Variants in ZNF395 observed in about 807,000 individuals in gnomAD.
ZNF395 encodes HD gene regulatory region-binding protein 2.
ZNF395 carries 20 observed loss-of-function variants against 57.7 expected under a neutral mutation model. The observed-to-expected ratio is 0.35, with a 90% CI of 0.24 to 0.50. The LOEUF is 0.50. ZNF395 is among the 20% of genes least tolerant of loss of function. The pLI, the probability that ZNF395 is intolerant of heterozygous loss-of-function variation, is 0.97. For synonymous variants in ZNF395, 295 were observed against 275.9 expected (o/e 1.07, Z -0.69); for missense variants, 606 against 671.2 (o/e 0.90, Z 1.07).
chr8:28,362,176 C>T (rs1236858430), intron 1 of ZNF395, among the ~76,000 whole-genome samples: 1 of 152,104 alleles, frequency 6.6e-6, no homozygotes, highest in African/African-American at 2.4e-5. Flanking sequence ...GCACAAGTGA[C>T]TTGTTCAGAT....
intron 1 of ZNF395, among the ~76,000 whole-genome samples, chr8:28,372,604 C>T (rs1271976361): frequency 1.3e-5 from 2 of 152,162 alleles, no homozygotes; most frequent in East Asian, 1.9e-4. Flanking sequence ...CTGGGCAACA[C>T]AGGCAGACCC....
chr8:28,376,877 C>T (rs1345459847), intron 1 of ZNF395, among the ~76,000 whole-genome samples: 1 of 152,172 alleles, frequency 6.6e-6, no homozygotes, highest in Admixed American at 6.5e-5. Flanking sequence ...TCAGCGCACC[C>T]CAAAATTGCT....
Position 28,347,870 on chromosome 8 carries a change from G to C in ZNF395, c.*849C>G, listed in dbSNP as rs569853218. On this transcript the variant is annotated 3_prime_UTR_variant, in exon 10 of 10. Transcript: ENST00000344423. ...AACCGGAGGAAGGCGGCGTCAGGAG[G>C]GTGCTTCCTCGGGTCAGAGCAGAGA... 6.6e-6 allele frequency: 1 copy of C among 152,230 alleles called. No individual in the cohort carries two copies. The highest frequency in any genetic ancestry group is 1.5e-5 in the Non-Finnish European group (1 of 68,054). The allele number at this position is 152,230 out of a possible 1,614,324, so 9.4% of individuals were successfully genotyped here.
At chr8:28,358,422 TTTTGG>T (rs201442838) in intron 3 of ZNF395, among the ~76,000 whole-genome samples, 2,196 of 152,040 alleles carry the variant, frequency 0.014, 15 homozygotes, top group South Asian at 0.023. Flanking sequence ...TTTGTTTGTT[TTTTGG>T]TTTGGTTTGG....
chr8:28,359,872 G>A lies in ZNF395; in HGVS notation c.241-48C>T, dbSNP rs778281096. 10 of 1,577,402 alleles carry A rather than the reference G, an allele frequency of 6.3e-6. No homozygotes were observed. Among genetic ancestry groups the A allele is most frequent in the African/African-American group, 2.7e-5 (2 of 74,326 alleles). ...TAGTGGTCAGCCCTGGATGGGTCTC[G>A]CCCTGAAGTTCTCATGCACCCCACG... On this transcript the variant is annotated intron_variant, in intron 2 of 9. Coordinates refer to ENST00000344423, the MANE Select transcript of ZNF395 (RefSeq NM_018660.3). This position sits in a 1 kb window ranked among gnomAD's most constrained non-coding sequence, Gnocchi z 4.7.
chr8:28,366,119 G>A (rs1419213898), intron 1 of ZNF395, among the ~76,000 whole-genome samples: 2 of 152,314 alleles, frequency 1.3e-5, no homozygotes, highest in East Asian at 3.9e-4. Context: ...CTTAAGAAGG[G>A]TGAAGTTTGG....
chr8:28,368,847 T>C (rs1293002462), intron 1 of ZNF395, among the ~76,000 whole-genome samples: 1 of 152,090 alleles, frequency 6.6e-6, no homozygotes, highest in Non-Finnish European at 1.5e-5. Context: ...TCTTTCTCTT[T>C]TTTTTTGAGA....
At position 28,351,503 on chromosome 8, in the gene ZNF395, C is replaced by T; in HGVS notation, c.1225G>A (p.Ala409Thr). Residue 409 changes from alanine to threonine, a missense_variant, in exon 7 of 10, where the codon GCA (alanine) becomes ACA (threonine). Around this residue, in one of 3 missense-constraint regions of ZNF395, gnomAD observed 261 missense variants for 240.3 expected, o/e 1.09. Coordinates refer to ENST00000344423, the MANE Select transcript of ZNF395 (RefSeq NM_018660.3). Reference sequence around the variant, plus strand: ...CGAGCCCCGCCCCATACCTGGTATGCATGATCTGCCTGAATGTGCCAGAAG... The same window carrying T: ...CGAGCCCCGCCCCATACCTGGTATGTATGATCTGCCTGAATGTGCCAGAAG... ...GSFWHIQADH[A>T]YQALPSFQIP... 1 of 1,602,308 alleles carries T rather than the reference C, an allele frequency of 6.2e-7. No individual in the cohort carries two copies. Among genetic ancestry groups the T allele is most frequent in the Non-Finnish European group, 8.5e-7 (1 of 1,171,362 alleles).
intron 1 of ZNF395, among the ~76,000 whole-genome samples, chr8:28,376,598 G>A (rs1802043026): frequency 6.6e-6 from 1 of 151,974 alleles, no homozygotes; most frequent in Non-Finnish European, 1.5e-5. Context: ...TCCAGCCTGG[G>A]CAACAGAGCA....
rs1351531129 is a variant in ZNF395, at chr8:28,348,782, C to T, written c.1479G>A (p.Glu493=). The T allele has an allele frequency of 8.1e-6, 13 of 1,614,098 alleles. No homozygotes were observed. The highest frequency in any genetic ancestry group is 1.1e-5 in the Non-Finnish European group (13 of 1,180,014). The change falls in exon 10 of 10, where the codon GAG becomes GAA. Residue 493 remains glutamate, a synonymous_variant. Transcript: ENST00000344423. ...AKKCRKVYGI[E]HRDQWCTACR... is the part of the protein sequence containing the mutation. ...AGGCCGTGCACCACTGGTCCCGGTG[C>T]TCGATGCCATACACCTTGCGGCACT... is the stretch of plus-strand genomic sequence containing the variant.
chr8:28,363,210 C>T (rs1439606348), intron 1 of ZNF395, among the ~76,000 whole-genome samples: 1 of 151,552 alleles, frequency 6.6e-6, no homozygotes, highest in East Asian at 1.9e-4. Context: ...CAGCTCACTG[C>T]AACCTCTGCC....
rs539419456 is a variant in ZNF395 at position 28,384,807 on chromosome 8, G to A, written c.-59+1586C>T. 2.6e-5 allele frequency among the ~76,000 whole-genome samples: 4 copies of A among 152,206 alleles called. No individual in the cohort carries two copies. The East Asian group carries it at 7.7e-4, about 29-fold the overall frequency. On this transcript the variant is annotated intron_variant, in intron 1 of 9. Coordinates refer to ENST00000344423, the MANE Select transcript of ZNF395 (RefSeq NM_018660.3). ...CTCTCCAGCATCTCCACTAACTCAG[G>A]CAGCCACTGCACATTAACTTGAACG...
Position 28,345,720 on chromosome 8 carries a change from C to T in ZNF395, c.*2999G>A, listed in dbSNP as rs141703000. The T allele has an allele frequency of 3.7e-3, 552 of 149,494 alleles. 6 individuals carry two copies. Among genetic ancestry groups the T allele is most frequent in the Non-Finnish European group, 3.4e-3 (232 of 67,582 alleles). The allele number at this position is 149,494 out of a possible 1,614,324, so 9.3% of individuals were successfully genotyped here. On this transcript the variant is annotated 3_prime_UTR_variant, in exon 10 of 10. Transcript: ENST00000344423. ...CTTGGAAGACAGCTGAGGAAAAAGGCGCCAATAAGACAAACTCACAGATGG... is the reference window on the plus strand; with the variant it reads ...CTTGGAAGACAGCTGAGGAAAAAGGTGCCAATAAGACAAACTCACAGATGG...
At chr8:28,360,051 C>T (rs936132170) in intron 2 of ZNF395, among the ~76,000 whole-genome samples, 1 of 152,248 alleles carries the variant, frequency 6.6e-6, no homozygotes, top group Non-Finnish European at 1.5e-5. Context: ...TCTAGACTGG[C>T]AGACAGCAAA....
chr8:28,379,290 G>A (rs1172836852), intron 1 of ZNF395, among the ~76,000 whole-genome samples: 1 of 152,134 alleles, frequency 6.6e-6, no homozygotes, highest in African/African-American at 2.4e-5. Flanking sequence ...CACCTGACCA[G>A]CCAAGGTCAT....
At position 28,348,543 on chromosome 8, in the gene ZNF395, T is replaced by TAA. The variant is rs1275113822; in HGVS notation, c.*174_*175dup. On this transcript the variant is annotated 3_prime_UTR_variant, in exon 10 of 10. Coordinates refer to ENST00000344423, the MANE Select transcript of ZNF395 (RefSeq NM_018660.3). ...ATTTTTGTTTCTTTTTTTTAAAAAA[T>TAA]AAAATGTTCGCACAATGGGAGAAAA... The TAA allele has an allele frequency of 1.6e-6, 1 of 613,888 alleles. No individual in the cohort carries two copies. Among genetic ancestry groups the TAA allele is most frequent in the Admixed American group, 3.0e-5 (1 of 33,880 alleles). The allele number at this position is 613,888 out of a possible 1,614,324, so 38.0% of individuals were successfully genotyped here. A position where few individuals can be genotyped will look rare whatever the true frequency, so the allele number is the denominator to read the frequency against.
intron 1 of ZNF395, among the ~76,000 whole-genome samples, chr8:28,384,690 GGTGA>G (rs1380649822): frequency 2.0e-5 from 3 of 151,998 alleles, no homozygotes; most frequent in African/African-American, 7.2e-5. Flanking sequence ...GGGCCCTACG[GGTGA>G]GTTACTCTCC....
chr8:28,377,605 A>T (rs1028995038), intron 1 of ZNF395, among the ~76,000 whole-genome samples: 3 of 151,982 alleles, frequency 2.0e-5, no homozygotes, highest in Non-Finnish European at 4.4e-5. Flanking sequence ...TGGGGATATA[A>T]ATCCACAGTG....
intron 7 of ZNF395, 99 bp from the exon 8 acceptor site, chr8:28,350,255 C>T: frequency 9.7e-7 from 1 of 1,030,794 alleles, no homozygotes; most frequent in Non-Finnish European, 1.4e-6. Flanking sequence ...GAAGGTGCAT[C>T]TCTGCGTAAG....
Sources: allele counts gnomAD v4.1 joint callset (sites outside exome capture counted in the v4.1 genomes callset), GRCh38; gene constraint gnomAD v4.1.1; regional missense constraint gnomAD v4.1.1; non-coding constraint Gnocchi (gnomAD v3.1); transcripts MANE v1.5; gene names NCBI Gene and HGNC (gene_info 2026-07-23, HGNC 2026-07-21).